Variants in MACROD2 observed in about 807,000 individuals in gnomAD.
MACROD2 encodes mono-ADP ribosylhydrolase 2.
A neutral mutation model predicts 70.4 loss-of-function variants in MACROD2; 36 were observed. That is an observed-to-expected ratio of 0.51 (90% CI 0.39 to 0.68). The LOEUF (loss-of-function observed/expected upper bound fraction) is 0.68. Among genes scored for constraint, MACROD2 ranks in the 30% least tolerant of loss-of-function variants. The pLI, the probability that MACROD2 is intolerant of heterozygous loss-of-function variation, is 0.00. For missense variants in MACROD2, 496 were observed against 538.4 expected, an observed-to-expected ratio of 0.92 and a Z score of 0.78; for synonymous variants, 172 against 178.8, an observed-to-expected ratio of 0.96 and a Z score of 0.30.
chr20:14,992,524 A>G (rs995377799), intron 5 of MACROD2, among the ~76,000 whole-genome samples: 1 of 152,176 alleles, frequency 6.6e-6, no homozygotes, highest in African/African-American at 2.4e-5. Context: ...TTAGGGGCTG[A>G]CTAGCTGACT....
intron 5 of MACROD2, among the ~76,000 whole-genome samples, chr20:14,958,855 G>A (rs113193808): frequency 3.3e-5 from 5 of 152,158 alleles, no homozygotes; most frequent in African/African-American, 1.2e-4. Context: ...GCTTGGGGTG[G>A]GGCTTGAAAA....
chr20:14,098,605 T>C (rs1569158082), intron 3 of MACROD2, among the ~76,000 whole-genome samples: 2 of 152,180 alleles, frequency 1.3e-5, no homozygotes, highest in East Asian at 1.9e-4. Context: ...ATTGTACTTA[T>C]TAGAAATGTT....
rs551008503 is a variant in MACROD2, at chr20:15,547,520, G to A, written c.645+47673G>A. ...AGACTAGCCCAGTTGTTGCCTTTAC[G>A]TTTTTAAATAAGTGGAATAATACCG... On this transcript the variant is annotated intron_variant, in intron 8 of 17. Coordinates refer to ENST00000684519, the MANE Select transcript of MACROD2 (RefSeq NM_001351661.2). 8.5e-4 allele frequency among the ~76,000 whole-genome samples: 130 copies of A among 152,116 alleles called. 1 individual carries two copies. Among genetic ancestry groups the A allele is most frequent in the Middle Eastern group, 3.4e-3 (1 of 294 alleles).
chr20:14,232,648 C>G (rs575757231), intron 3 of MACROD2, among the ~76,000 whole-genome samples: 1 of 152,310 alleles, frequency 6.6e-6, no homozygotes, highest in South Asian at 2.1e-4. Context: ...GGGCTTTGTT[C>G]TGGATTAGGC....
In MACROD2 at chr20:14,846,610, C is replaced by T. The variant is rs533036694; in HGVS notation, c.418+161651C>T. On this transcript the variant is annotated intron_variant, in intron 5 of 17. Transcript: ENST00000684519. ...TCAGCTCAATGCAAGCTCTGCCTCC[C>T]GGGTTCACGCCACTCTCCTGCCTCA... 1.2e-3 allele frequency among the ~76,000 whole-genome samples: 169 copies of T among 145,652 alleles called. 2 individuals are homozygous for T. Among genetic ancestry groups the T allele is most frequent in the Admixed American group, 9.8e-3 (143 of 14,564 alleles).
At chr20:14,457,950 A>C (rs755656126) in intron 3 of MACROD2, among the ~76,000 whole-genome samples, 1 of 151,866 alleles carries the variant, frequency 6.6e-6, no homozygotes, top group Non-Finnish European at 1.5e-5. Context: ...AAATACAAAA[A>C]ATTTGCTCGG....
intron 2 of MACROD2, among the ~76,000 whole-genome samples, chr20:14,052,697 A>G (rs1332478271): frequency 1.3e-5 from 2 of 151,990 alleles, no homozygotes; most frequent in African/African-American, 4.8e-5. Context: ...AATTGCAAAC[A>G]GATTTTTTTT....
intron 7 of MACROD2, among the ~76,000 whole-genome samples, chr20:15,444,954 A>ATTACTG (rs2146381606): frequency 2.3e-5 from 1 of 42,984 alleles, no homozygotes; most frequent in South Asian, 6.3e-4. Context: ...ACATTTAACA[A>ATTACTG]TTATTTTTAA....
At chr20:14,124,989 T>G (rs2054630596) in intron 3 of MACROD2, among the ~76,000 whole-genome samples, 1 of 152,140 alleles carries the variant, frequency 6.6e-6, no homozygotes, top group Admixed American at 6.5e-5. Context: ...AATGAAATAC[T>G]AAGATATGCT....
chr20:14,076,749 G>A (rs943013672), intron 2 of MACROD2, among the ~76,000 whole-genome samples: 1 of 151,756 alleles, frequency 6.6e-6, no homozygotes, highest in Admixed American at 6.6e-5. Context: ...TAATATTATT[G>A]GTTTAATAAA....
At chr20:15,817,761 C>T (rs2063892996) in intron 8 of MACROD2, among the ~76,000 whole-genome samples, 1 of 152,156 alleles carries the variant, frequency 6.6e-6, no homozygotes, top group South Asian at 2.1e-4. Flanking sequence ...CCATCTCACC[C>T]TTTAAAGTCC....
intron 6 of MACROD2, among the ~76,000 whole-genome samples, chr20:15,352,005 A>G (rs980868439): frequency 2.0e-5 from 3 of 152,152 alleles, no homozygotes; most frequent in Non-Finnish European, 4.4e-5. Flanking sequence ...GGCACAGAGA[A>G]AAAGAGACTC....
chr20:15,673,229 C>T (rs1006201510), intron 8 of MACROD2, among the ~76,000 whole-genome samples: 1 of 152,170 alleles, frequency 6.6e-6, no homozygotes, highest in Non-Finnish European at 1.5e-5. Flanking sequence ...ATTCTAACCC[C>T]CACCCTGACC....
intron 6 of MACROD2, among the ~76,000 whole-genome samples, chr20:15,325,166 C>T (rs189023445): frequency 1.1e-3 from 164 of 152,228 alleles, no homozygotes; most frequent in Middle Eastern, 6.8e-3. Context: ...TCTTTCACCC[C>T]ATTGGTCCTT....
In MACROD2 at chr20:14,034,092, C is replaced by T. The variant is rs1436558996; in HGVS notation, c.163+31688C>T. Among the ~76,000 whole-genome samples the T allele has an allele frequency of 2.0e-5, 3 of 152,270 alleles. No individual in the cohort carries two copies. The East Asian group carries it at 5.8e-4, about 29-fold the overall frequency. On this transcript the variant is annotated intron_variant, in intron 2 of 17. Transcript: ENST00000684519. ...GTTCACGCCATTCTCCTGCCTCAGC[C>T]TCCCGACTAGTTGGGACTACAGGCG...
At chr20:15,646,407 G>A (rs1367033008) in intron 8 of MACROD2, among the ~76,000 whole-genome samples, 1 of 152,272 alleles carries the variant, frequency 6.6e-6, no homozygotes, top group Admixed American at 6.5e-5. Flanking sequence ...GGAAATTTGT[G>A]CTGAAAAGTC....
At chr20:15,289,982 A>G (rs1302730907) in intron 6 of MACROD2, among the ~76,000 whole-genome samples, 1 of 152,238 alleles carries the variant, frequency 6.6e-6, no homozygotes, top group African/African-American at 2.4e-5. Flanking sequence ...AGTCTGAGCT[A>G]TTGGGAGGAG....
intron 3 of MACROD2, among the ~76,000 whole-genome samples, chr20:14,372,077 C>CTGAT: frequency 6.6e-6 from 1 of 152,190 alleles, no homozygotes. Context: ...GGGACCTTGC[C>CTGAT]TGATTTTGCT....
At chr20:15,772,098 A>AT (rs1555777697) in intron 8 of MACROD2, among the ~76,000 whole-genome samples, 133 of 95,836 alleles carry the variant, frequency 1.4e-3, no homozygotes, top group Middle Eastern at 4.7e-3. Context: ...AAAAAAAAAA[A>AT]AAAATATATA....
Sources: gnomAD v4.1 joint callset for allele counts (sites outside exome capture counted in the v4.1 genomes callset) on GRCh38, gnomAD v4.1.1 for gene constraint, MANE v1.5 for transcripts, NCBI Gene and HGNC (gene_info 2026-07-23, HGNC 2026-07-21) for gene names.